The following PKNOX2 variants were observed in gnomAD, a reference collection of about 807,000 sequenced individuals.
PKNOX2 encodes the protein PBX/knotted 1 homeobox 2, also known as homeobox protein PKNOX2.
A neutral mutation model predicts 53.1 loss-of-function variants in PKNOX2; 14 were observed. The ratio of observed to expected loss-of-function variants is 0.26; its 90% CI spans 0.17 to 0.41. The LOEUF (loss-of-function observed/expected upper bound fraction) is 0.41, where lower values mean the gene tolerates loss of function less well. Ranked by LOEUF, PKNOX2 falls within the 10% of genes least tolerant of loss-of-function variation. PKNOX2 has a pLI of 1.00. For missense variants in PKNOX2, 496 were observed against 602.8 expected, an observed-to-expected ratio of 0.82 and a Z score of 1.85; for synonymous variants, 257 against 242.8, an observed-to-expected ratio of 1.06 and a Z score of -0.54.
At chr11:125,322,389 C>T (rs1402838404) in intron 2 of PKNOX2, among the ~76,000 whole-genome samples, 4 of 152,150 alleles carry the variant, frequency 2.6e-5, no homozygotes, top group Non-Finnish European at 4.4e-5. Context: ...CCCTTTCGTT[C>T]TACAGCCCCC....
chr11:125,323,085 C>T (rs1342445329), intron 2 of PKNOX2, among the ~76,000 whole-genome samples: 1 of 152,024 alleles, frequency 6.6e-6, no homozygotes, highest in Non-Finnish European at 1.5e-5. Context: ...GAAACTGAGG[C>T]CCAGAGCAGT....
intron 2 of PKNOX2, among the ~76,000 whole-genome samples, chr11:125,310,443 C>T (rs1190281288): frequency 2.0e-5 from 3 of 150,906 alleles, no homozygotes; most frequent in East Asian, 1.9e-4. Flanking sequence ...TGCAGTGAGC[C>T]GAGATCCTAC....
At chr11:125,197,297 A>C (rs1401282022) in intron 1 of PKNOX2, among the ~76,000 whole-genome samples, 1 of 152,134 alleles carries the variant, frequency 6.6e-6, no homozygotes, top group Non-Finnish European at 1.5e-5. Flanking sequence ...GAGTCATTTA[A>C]TTACTGCCCA....
chr11:125,338,421 G>A (rs1040133840), intron 3 of PKNOX2, among the ~76,000 whole-genome samples: 10 of 152,052 alleles, frequency 6.6e-5, no homozygotes, highest in Non-Finnish European at 1.3e-4. Flanking sequence ...CTCCGAGGGG[G>A]GCTGAAGACA....
rs1954828883 is a variant in PKNOX2, at chr11:125,165,842, C to T, written c.-201+1066C>T. Reference sequence around the variant, plus strand: ...GAGAGCGGAGAGCTGAGGGGGATGGCGCAGGATCCCGAATCTGCCGCTCAA... The same window carrying T: ...GAGAGCGGAGAGCTGAGGGGGATGGTGCAGGATCCCGAATCTGCCGCTCAA... On this transcript the variant is annotated intron_variant, in intron 1 of 12. Coordinates refer to ENST00000298282, the MANE Select transcript of PKNOX2 (RefSeq NM_001382323.2). This position sits in a 1 kb window ranked among gnomAD's most constrained non-coding sequence, Gnocchi z 4.5. Among the ~76,000 whole-genome samples the T allele has an allele frequency of 6.6e-6, 1 of 152,122 alleles. No homozygotes were observed. Among genetic ancestry groups the T allele is most frequent in the Admixed American group, 6.5e-5 (1 of 15,280 alleles).
At chr11:125,202,536 A>T (rs1244314276) in intron 1 of PKNOX2, among the ~76,000 whole-genome samples, 2 of 152,202 alleles carry the variant, frequency 1.3e-5, no homozygotes, top group Admixed American at 6.5e-5. Flanking sequence ...CGTGGAGAAG[A>T]AGTCCAGGCA....
intron 6 of PKNOX2, among the ~76,000 whole-genome samples, chr11:125,397,352 T>A (rs1411515804): frequency 6.6e-6 from 1 of 152,260 alleles, no homozygotes; most frequent in Non-Finnish European, 1.5e-5. Flanking sequence ...GAGGCACTTA[T>A]AAGAAATTCT....
intron 2 of PKNOX2, among the ~76,000 whole-genome samples, chr11:125,330,709 C>T (rs1414789718): frequency 2.0e-5 from 3 of 151,986 alleles, no homozygotes; most frequent in Non-Finnish European, 4.4e-5. Flanking sequence ...CATACACATA[C>T]ACACACACAC....
chr11:125,195,750 G>T (rs570416435), intron 1 of PKNOX2, among the ~76,000 whole-genome samples: 12 of 152,248 alleles, frequency 7.9e-5, no homozygotes, highest in Non-Finnish European at 1.8e-4. Flanking sequence ...AGTCCCATCG[G>T]CAGATGGCAA....
chr11:125,284,006 A>T (rs1158443726), intron 2 of PKNOX2, among the ~76,000 whole-genome samples: 1 of 152,224 alleles, frequency 6.6e-6, no homozygotes, highest in Non-Finnish European at 1.5e-5. Context: ...GTGGCTCAAA[A>T]TTAGCTGTGC....
intron 8 of PKNOX2, chr11:125,410,551 C>A: frequency 1.5e-6 from 1 of 688,328 alleles, no homozygotes; most frequent in Non-Finnish European, 2.4e-6. Flanking sequence ...CTGAGAGGAC[C>A]AAGTAAGGCT....
chr11:125,179,858 C>G (rs772899766), intron 1 of PKNOX2, among the ~76,000 whole-genome samples: 1 of 152,160 alleles, frequency 6.6e-6, no homozygotes, highest in African/African-American at 2.4e-5. Flanking sequence ...TAAAAATGAA[C>G]AAATGCATTA....
At chr11:125,250,754 C>A (rs1181633464) in intron 2 of PKNOX2, among the ~76,000 whole-genome samples, 1 of 152,214 alleles carries the variant, frequency 6.6e-6, no homozygotes. Context: ...CGGAGGAGAC[C>A]GCAGGCTTTC....
At chr11:125,263,556 C>T (rs1306858890) in intron 2 of PKNOX2, among the ~76,000 whole-genome samples, 1 of 152,224 alleles carries the variant, frequency 6.6e-6, no homozygotes, top group African/African-American at 2.4e-5. Flanking sequence ...GCCACTTTCT[C>T]AGAACAATTC....
At chr11:125,262,219 TG>T (rs1029874085) in intron 2 of PKNOX2, among the ~76,000 whole-genome samples, 5 of 151,234 alleles carry the variant, frequency 3.3e-5, no homozygotes, top group Admixed American at 2.0e-4. Flanking sequence ...GAGGCGGCGG[TG>T]GGGGGGTGGT....
chr11:125,347,944 C>T (rs1951072308), intron 3 of PKNOX2, among the ~76,000 whole-genome samples: 1 of 152,234 alleles, frequency 6.6e-6, no homozygotes, highest in South Asian at 2.1e-4. Flanking sequence ...GCCCAGGTGT[C>T]TGGTGACAGA....
intron 2 of PKNOX2, among the ~76,000 whole-genome samples, chr11:125,325,982 C>T (rs1371203343): frequency 6.6e-6 from 1 of 152,218 alleles, no homozygotes; most frequent in Non-Finnish European, 1.5e-5. Context: ...AGCAAACCAT[C>T]AACTGAACTG....
chr11:125,429,912 C>T (rs769302635), intron 11 of PKNOX2, 51 bp from the exon 12 acceptor site: 1 of 1,568,604 alleles, frequency 6.4e-7, no homozygotes, highest in South Asian at 1.2e-5. Context: ...GCCCCCACCC[C>T]AAGGCCATGC....
chr11:125,425,299 C>T (rs889911042), intron 10 of PKNOX2, among the ~76,000 whole-genome samples: 1 of 152,236 alleles, frequency 6.6e-6, no homozygotes, highest in South Asian at 2.1e-4. Context: ...TCCTTTACTC[C>T]CTGGCAGCAC....
Sources: gnomAD v4.1 joint callset for allele counts (sites outside exome capture counted in the v4.1 genomes callset) on GRCh38, gnomAD v4.1.1 for gene constraint, Gnocchi (gnomAD v3.1) non-coding constraint, MANE v1.5 for transcripts, NCBI Gene and HGNC (gene_info 2026-07-23, HGNC 2026-07-21) for gene names.